The following GALNT5 variants were observed in gnomAD, a reference collection of about 807,000 sequenced individuals.
The protein encoded by GALNT5 is polypeptide N-acetylgalactosaminyltransferase 5.
GALNT5 carries 72 observed loss-of-function variants against 85.4 expected under a neutral mutation model. That is an observed-to-expected ratio of 0.84 (90% CI 0.70 to 1.03). GALNT5 has a LOEUF of 1.03. Ranked by LOEUF, GALNT5 falls within the 50% of genes least tolerant of loss-of-function variation. The probability of loss-of-function intolerance (pLI) is 0.00; values close to 1 mark genes in which losing one functional copy is unlikely to be tolerated. For missense variants in GALNT5, 1,137 were observed against 1,135.5 expected (o/e 1.00, Z -0.02); for synonymous variants, 404 against 397.0 (o/e 1.02, Z -0.21).
intron 7 of GALNT5, chr2:157,301,773 T>C (rs924712861): frequency 1.3e-5 from 2 of 152,276 alleles, no homozygotes; most frequent in East Asian, 1.9e-4. Context: ...TAAGATTTAA[T>C]TGGGGTTTGT....
rs10650005 is a variant in GALNT5 at position 157,291,633 on chromosome 2, AC to A, written c.1742-4021del. On this transcript the variant is annotated intron_variant, in intron 3 of 9. Transcript: ENST00000259056. Reference sequence around the variant, plus strand: ...ATTGAACAGTTTTATGTTACCACCCACCCCCCCCCAGATTTTTAAGTTACAA... The same window carrying A: ...ATTGAACAGTTTTATGTTACCACCCACCCCCCCCAGATTTTTAAGTTACAA... Among the ~76,000 whole-genome samples the A allele has an allele frequency of 7.5e-4, 88 of 117,072 alleles. 1 individual carries two copies. The highest frequency in any genetic ancestry group is 2.7e-3 in the African/African-American group (81 of 29,918). The allele number at this position is 117,072 out of a possible 152,430, so 76.8% of individuals were successfully genotyped here. A position where few individuals can be genotyped will look rare whatever the true frequency, so the allele number is the denominator to read the frequency against.
intron 3 of GALNT5, among the ~76,000 whole-genome samples, chr2:157,290,112 T>TATATATATATATATATATACAC (rs1416458086): frequency 7.2e-5 from 10 of 138,250 alleles, no homozygotes; most frequent in African/African-American, 3.1e-4. Context: ...TATATATATA[T>TATATATATATATATATATACAC]ACATACACAA....
chr2:157,261,331 T>C (rs779118027), intron 1 of GALNT5, among the ~76,000 whole-genome samples: 3 of 152,192 alleles, frequency 2.0e-5, no homozygotes, highest in Non-Finnish European at 4.4e-5. Flanking sequence ...TTATCACTAG[T>C]GTGGCTCATT....
chr2:157,267,442 T>C (rs762752728), intron 1 of GALNT5, among the ~76,000 whole-genome samples: 6 of 152,218 alleles, frequency 3.9e-5, no homozygotes, highest in Non-Finnish European at 8.8e-5. Flanking sequence ...TAAAGTTGCA[T>C]AGAAAACCAC....
At chr2:157,301,682 CCTTCCTTCTTTCCTGCCTTG>C (rs1683346242) in intron 7 of GALNT5, 1 of 152,342 alleles carries the variant, frequency 6.6e-6, no homozygotes. Flanking sequence ...TTATTTCTTT[CCTTCCTTCTTTCCTGCCTTG>C]CTTCCTTCTT....
chr2:157,294,674 G>A (rs114185103), intron 3 of GALNT5, among the ~76,000 whole-genome samples: 1,858 of 152,118 alleles, frequency 0.012, 43 homozygotes, highest in African/African-American at 0.042. Context: ...GCCCCAGTAG[G>A]TAGAGCCTTT....
At chr2:157,292,232 G>A (rs1683116817) in intron 3 of GALNT5, among the ~76,000 whole-genome samples, 1 of 152,138 alleles carries the variant, frequency 6.6e-6, no homozygotes, top group African/African-American at 2.4e-5. Context: ...TTATTTCACT[G>A]TGCCTCTCCC....
Position 157,315,332 on chromosome 2 carries a change from C to T in GALNT5, c.*3984C>T, listed in dbSNP as rs1416565345. Among the ~76,000 whole-genome samples the T allele has an allele frequency of 6.6e-6, 1 of 152,088 alleles. No individual in the cohort carries two copies. The highest frequency in any genetic ancestry group is 1.9e-4 in the East Asian group (1 of 5,190). On this transcript the variant is annotated 3_prime_UTR_variant, in exon 10 of 10. Coordinates refer to ENST00000259056, the MANE Select transcript of GALNT5 (RefSeq NM_014568.3). ...CAGATGAGGAATTTGGTAAATTGCC[C>T]AAGGTCATCCCACAAGTAAGAGATA... is the stretch of plus-strand genomic sequence containing the variant.
chr2:157,268,588 C>T (rs1682510175), intron 1 of GALNT5, among the ~76,000 whole-genome samples: 1 of 152,210 alleles, frequency 6.6e-6, no homozygotes, highest in Admixed American at 6.5e-5. Flanking sequence ...AGGGGCCTAA[C>T]TGACTTGCCC....
At position 157,294,780 on chromosome 2, in the gene GALNT5, CACACCACACACA is replaced by C. The variant is rs1410282643; in HGVS notation, c.1742-882_1742-871del. Reference sequence around the variant, plus strand: ...ACACTCTCTCACACACACATCACATCACACCACACACACACACACACACACACACACACACAC... The same window carrying C: ...ACACTCTCTCACACACACATCACATCCACACACACACACACACACACACAC... On this transcript the variant is annotated intron_variant, in intron 3 of 9. Coordinates refer to ENST00000259056, the MANE Select transcript of GALNT5 (RefSeq NM_014568.3). 6.1e-4 allele frequency among the ~76,000 whole-genome samples: 46 copies of C among 74,984 alleles called. 3 individuals are homozygous for C. The South Asian group carries it at 0.025, about 41-fold the overall frequency. 49.2% of individuals were successfully genotyped at this position (74,984 alleles called of 152,430 possible).
At chr2:157,261,873 G>A (rs748859956) in intron 1 of GALNT5, among the ~76,000 whole-genome samples, 23 of 152,080 alleles carry the variant, frequency 1.5e-4, no homozygotes, top group Non-Finnish European at 1.0e-4. Flanking sequence ...CTCAAAAAGC[G>A]TTTGAGGTAG....
chr2:157,300,182 A>G (rs1299513284), intron 6 of GALNT5, among the ~76,000 whole-genome samples: 1 of 152,232 alleles, frequency 6.6e-6, no homozygotes, highest in Non-Finnish European at 1.5e-5. Context: ...CAACAGCAGT[A>G]GTAGAGAGTG....
chr2:157,310,002 G>GGA (rs1202391733), intron 9 of GALNT5, among the ~76,000 whole-genome samples: 3 of 151,560 alleles, frequency 2.0e-5, no homozygotes, highest in South Asian at 4.2e-4. Flanking sequence ...GATGTGGTAA[G>GGA]GAGAGAGAGA....
chr2:157,293,667 C>A (rs1460716493), intron 3 of GALNT5, among the ~76,000 whole-genome samples: 1 of 152,134 alleles, frequency 6.6e-6, no homozygotes, highest in Non-Finnish European at 1.5e-5. Context: ...TAAACAGAAT[C>A]CTCAAGAACA....
chr2:157,260,802 T>A (rs1041874038), intron 1 of GALNT5, among the ~76,000 whole-genome samples: 1 of 152,134 alleles, frequency 6.6e-6, no homozygotes, highest in Admixed American at 6.5e-5. Context: ...TCGTTTTCCA[T>A]CTCTTAGCCA....
chr2:157,258,993 A>T lies in GALNT5; in HGVS notation c.911A>T (p.Asp304Val). The T allele has an allele frequency of 6.7e-7, 1 of 1,500,888 alleles. No homozygotes were observed. 93.0% of individuals were successfully genotyped at this position (1,500,888 alleles called of 1,614,324 possible). A position where few individuals can be genotyped will look rare whatever the true frequency, so the allele number is the denominator to read the frequency against. The change falls in exon 1 of 10, where the codon GAT (aspartate) becomes GTT (valine). Residue 304 changes from aspartate (D) to valine (V), a missense_variant. Physicochemically the swap from Asp to Val is radical, Grantham distance 152 (BLOSUM62 -3). Coordinates refer to ENST00000259056, the MANE Select transcript of GALNT5 (RefSeq NM_014568.3). ...ACACCTTTGGGAAGTTTGTCAAAGG[A>T]TGATGGAGCTAGAGGGGCTCATGGG... is the stretch of plus-strand genomic sequence containing the variant. ...NETPLGSLSK[D>V]DGARGAHGKK...
chr2:157,307,623 G>C (rs1311040905), intron 8 of GALNT5, among the ~76,000 whole-genome samples: 1 of 152,156 alleles, frequency 6.6e-6, no homozygotes, highest in Non-Finnish European at 1.5e-5. Context: ...CCCAGCTGAT[G>C]CGGATGTTGG....
At chr2:157,299,397 G>A (rs1291270432) in intron 5 of GALNT5, 151 bp from the exon 6 acceptor site, 3 of 592,216 alleles carry the variant, frequency 5.1e-6, no homozygotes. Flanking sequence ...CATCACTTAA[G>A]CCCTATTTGT....
At chr2:157,278,837 C>T (rs1363569248) in intron 1 of GALNT5, among the ~76,000 whole-genome samples, 2 of 152,192 alleles carry the variant, frequency 1.3e-5, no homozygotes, top group African/African-American at 4.8e-5. Flanking sequence ...AAGTCATTCT[C>T]CATCCAGCTT....
Sources: allele counts gnomAD v4.1 joint callset (sites outside exome capture counted in the v4.1 genomes callset), GRCh38; gene constraint gnomAD v4.1.1; transcripts MANE v1.5; gene names NCBI Gene and HGNC (gene_info 2026-07-23, HGNC 2026-07-21).